The following NALF1 variants were observed in gnomAD, a reference collection of about 807,000 sequenced individuals.
NALF1 encodes the protein NALCN channel auxiliary factor 1, also known as family with sequence similarity 155 member A.
In NALF1, 3 loss-of-function variants were observed where a neutral mutation model predicts 48.4. That is an observed-to-expected ratio of 0.06 (90% CI 0.03 to 0.16). NALF1 has a LOEUF of 0.16. Among genes scored for constraint, NALF1 ranks in the 10% least tolerant of loss-of-function variants. The probability of loss-of-function intolerance (pLI) is 1.00; values close to 1 mark genes in which losing one functional copy is unlikely to be tolerated. For synonymous variants in NALF1, 262 were observed against 245.7 expected (o/e 1.07, Z -0.62); for missense variants, 526 against 571.5 (o/e 0.92, Z 0.81).
intron 2 of NALF1, among the ~76,000 whole-genome samples, chr13:107,177,256 G>T (rs1007999617): frequency 4.5e-4 from 69 of 152,150 alleles, no homozygotes; most frequent in African/African-American, 1.7e-3. Context: ...TCATGGATTG[G>T]AAGAATCAGT....
At chr13:107,640,202 G>A (rs964977227) in intron 1 of NALF1, among the ~76,000 whole-genome samples, 1 of 152,058 alleles carries the variant, frequency 6.6e-6, no homozygotes, top group African/African-American at 2.4e-5. Flanking sequence ...CAGTGTTAAA[G>A]GTTATAAACA....
At chr13:107,616,564 C>T (rs1453360947) in intron 1 of NALF1, among the ~76,000 whole-genome samples, 2 of 152,182 alleles carry the variant, frequency 1.3e-5, no homozygotes, top group Non-Finnish European at 2.9e-5. Context: ...AAGCCTCCTG[C>T]AAACACACAG....
chr13:107,454,389 G>A (rs558314138), intron 1 of NALF1, among the ~76,000 whole-genome samples: 2 of 152,256 alleles, frequency 1.3e-5, no homozygotes, highest in Admixed American at 1.3e-4. Context: ...GGAAAGCAAG[G>A]CACCTTCTTC....
intron 1 of NALF1, among the ~76,000 whole-genome samples, chr13:107,764,842 T>C (rs925564098): frequency 6.6e-6 from 1 of 152,204 alleles, no homozygotes; most frequent in Non-Finnish European, 1.5e-5. Context: ...GTCAACTATA[T>C]GATCTCAAGT....
At chr13:107,623,223 G>T (rs565859357) in intron 1 of NALF1, among the ~76,000 whole-genome samples, 1 of 152,178 alleles carries the variant, frequency 6.6e-6, no homozygotes, top group East Asian at 1.9e-4. Context: ...ATATAATTTT[G>T]TTGGGATGTT....
intron 1 of NALF1, among the ~76,000 whole-genome samples, chr13:107,607,301 T>C (rs1308198689): frequency 2.0e-5 from 3 of 152,116 alleles, no homozygotes; most frequent in South Asian, 4.1e-4. Flanking sequence ...AGGCTTAAAT[T>C]AAATAAATGA....
chr13:107,748,762 T>G (rs1876850935), intron 1 of NALF1, among the ~76,000 whole-genome samples: 1 of 152,160 alleles, frequency 6.6e-6, no homozygotes, highest in Admixed American at 6.6e-5. Flanking sequence ...TACACTGGGA[T>G]AGGGATTTCA....
At chr13:107,670,978 C>G (rs1207516800) in intron 1 of NALF1, among the ~76,000 whole-genome samples, 2 of 152,098 alleles carry the variant, frequency 1.3e-5, no homozygotes, top group Non-Finnish European at 2.9e-5. Context: ...CATTTCCCAG[C>G]TCTGTTGATT....
At chr13:107,842,659 G>A (rs1315722853) in intron 1 of NALF1, among the ~76,000 whole-genome samples, 1 of 150,808 alleles carries the variant, frequency 6.6e-6, no homozygotes, top group African/African-American at 2.4e-5. Context: ...TGGCCTTTAT[G>A]GCAGGTCTAC....
intron 1 of NALF1, among the ~76,000 whole-genome samples, chr13:107,576,674 G>A (rs1406657906): frequency 6.6e-6 from 1 of 152,158 alleles, no homozygotes; most frequent in African/African-American, 2.4e-5. Flanking sequence ...TGGACTCTGT[G>A]AAATTCGGTA....
rs1883073728 is a variant in NALF1 at position 107,362,183 on chromosome 13, A to G, written c.916-151428T>C. 2.0e-5 allele frequency among the ~76,000 whole-genome samples: 3 copies of G among 152,178 alleles called. No homozygotes were observed. The highest frequency in any genetic ancestry group is 2.0e-4 in the Admixed American group (3 of 15,268). On this transcript the variant is annotated intron_variant, in intron 1 of 2. Coordinates refer to ENST00000375915, the MANE Select transcript of NALF1 (RefSeq NM_001080396.3). This position sits in a 1 kb window ranked among gnomAD's most constrained non-coding sequence, Gnocchi z 4.6. Reference sequence around the variant, plus strand: ...CCCTTATTGACTGATTCTCCAAATGACAAGGTTACCTGATGGTGGGGAAAA... The same window carrying G: ...CCCTTATTGACTGATTCTCCAAATGGCAAGGTTACCTGATGGTGGGGAAAA...
chr13:107,801,723 T>C (rs1389056297), intron 1 of NALF1, among the ~76,000 whole-genome samples: 3 of 152,182 alleles, frequency 2.0e-5, no homozygotes, highest in African/African-American at 4.8e-5. Context: ...CTAATTAACA[T>C]TGATAGAGAG....
In NALF1 at chr13:107,725,795, A is replaced by AT. The variant is rs1461017663; in HGVS notation, c.915+139886dup. On this transcript the variant is annotated intron_variant, in intron 1 of 2. Coordinates refer to ENST00000375915, the MANE Select transcript of NALF1 (RefSeq NM_001080396.3). ...AGACAAAAAATAAAGCAGTGGATAC[A>AT]TTTTTTTGTTTAACCTGATATGAGT... Among the ~76,000 whole-genome samples, 9 of 152,280 alleles carry AT rather than the reference A, an allele frequency of 5.9e-5. No homozygotes were observed. The East Asian group carries it at 1.7e-3, about 29-fold the overall frequency.
intron 1 of NALF1, among the ~76,000 whole-genome samples, chr13:107,517,525 G>A (rs947479883): frequency 2.0e-5 from 3 of 152,150 alleles, no homozygotes; most frequent in African/African-American, 4.8e-5. Flanking sequence ...CCAGCTACTC[G>A]GGAGGTTGAG....
At chr13:107,437,983 T>C (rs190421238) in intron 1 of NALF1, among the ~76,000 whole-genome samples, 4 of 152,330 alleles carry the variant, frequency 2.6e-5, no homozygotes, top group Non-Finnish European at 4.4e-5. Flanking sequence ...TGTATGTATA[T>C]AAAACAAATA....
At chr13:107,614,256 G>A (rs955394969) in intron 1 of NALF1, among the ~76,000 whole-genome samples, 2 of 152,068 alleles carry the variant, frequency 1.3e-5, no homozygotes, top group Non-Finnish European at 2.9e-5. Flanking sequence ...ACCTAATAAC[G>A]CCGCCTTGTC....
At chr13:107,754,627 AG>A (rs1215271769) in intron 1 of NALF1, among the ~76,000 whole-genome samples, 1 of 152,198 alleles carries the variant, frequency 6.6e-6, no homozygotes, top group Non-Finnish European at 1.5e-5. Flanking sequence ...ATGAGTTTAA[AG>A]AAAACCTGAA....
At chr13:107,191,737 T>G (rs1437537231) in intron 2 of NALF1, among the ~76,000 whole-genome samples, 1 of 151,700 alleles carries the variant, frequency 6.6e-6, no homozygotes, top group Non-Finnish European at 1.5e-5. Flanking sequence ...AGTGGTGCAC[T>G]GTTGGCTCAC....
At chr13:107,782,625 C>T (rs1400486832) in intron 1 of NALF1, among the ~76,000 whole-genome samples, 1 of 151,804 alleles carries the variant, frequency 6.6e-6, no homozygotes, top group African/African-American at 2.4e-5. Flanking sequence ...TCTTCCCGGC[C>T]GCCATCCCAT....
Sources: gnomAD v4.1 joint callset for allele counts (sites outside exome capture counted in the v4.1 genomes callset) on GRCh38, gnomAD v4.1.1 for gene constraint, Gnocchi (gnomAD v3.1) non-coding constraint, MANE v1.5 for transcripts, NCBI Gene and HGNC (gene_info 2026-07-23, HGNC 2026-07-21) for gene names.